The following USB1 variants were observed in gnomAD, a reference collection of about 807,000 sequenced individuals.
USB1 encodes the protein U6 snRNA phosphodiesterase 1.
Under a neutral mutation model 29.9 loss-of-function variants are expected in USB1, and 21 were observed. The ratio of observed to expected loss-of-function variants is 0.70; its 90% CI spans 0.50 to 1.01. USB1 has a LOEUF of 1.01. Among genes scored for constraint, USB1 ranks in the 50% least tolerant of loss-of-function variants. The pLI is 0.00. For missense variants in USB1, 330 were observed against 347.1 expected (o/e 0.95, Z 0.39); for synonymous variants, 143 against 134.9 (o/e 1.06, Z -0.42).
chr16:58,001,527 A>C lies in USB1; in HGVS notation c.44A>C (p.Glu15Ala). The part of the protein sequence containing the change: ...PLVGYSSSGS[E>A]DESEDGMRTR... ...GTGGGCTACAGCAGCAGCGGCTCCG[A>C]GGATGAGTCCGAGGACGGGATGCGG... The change falls in exon 1 of 7, where the codon GAG becomes GCG. Residue 15 changes from glutamate to alanine, a missense_variant. Glu to Ala is a moderately radical substitution (Grantham distance 107, BLOSUM62 -1). Coordinates refer to ENST00000219281, the MANE Select transcript of USB1 (RefSeq NM_024598.4). 6.2e-7 allele frequency: 1 copy of C among 1,609,062 alleles called. No individual in the cohort carries two copies. Among genetic ancestry groups the C allele is most frequent in the Non-Finnish European group, 8.5e-7 (1 of 1,178,206 alleles).
chr16:58,012,458 C>A, intron 3 of USB1: 1 of 1,168,670 alleles, frequency 8.6e-7, no homozygotes, highest in Non-Finnish European at 1.2e-6. Context: ...TATCAGATGG[C>A]ACCTGACTGT....
At chr16:58,019,532 C>T (rs889272861) in intron 6 of USB1, among the ~76,000 whole-genome samples, 2 of 152,204 alleles carry the variant, frequency 1.3e-5, no homozygotes, top group Admixed American at 1.3e-4. Flanking sequence ...AAAGATTCCA[C>T]TTTCCCATCT....
At chr16:58,010,209 A>T (rs532402259) in intron 3 of USB1, 97 bp downstream of exon 3, 19 of 1,463,406 alleles carry the variant, frequency 1.3e-5, no homozygotes, top group Middle Eastern at 3.7e-4. Flanking sequence ...AGGCAGGCAG[A>T]CCTAAAGATA....
rs1309233208 is a variant in USB1 at position 58,009,944 on chromosome 16, A to T, written c.281A>T (p.Glu94Val). Residue 94 changes from glutamate (E) to valine (V), a missense_variant, in exon 3 of 7, where the codon GAG becomes GTG. Coordinates refer to ENST00000219281, the MANE Select transcript of USB1 (RefSeq NM_024598.4). Reference protein sequence around the residue: ...HVYVPYEAKEEFLDLLDVLLP... With the variant: ...HVYVPYEAKEVFLDLLDVLLP... ...TCCCCTCCAGATGAAGCCAAGGAGGAGTTCCTGGATCTGCTTGATGTGTTG... is the reference window on the plus strand; with the variant it reads ...TCCCCTCCAGATGAAGCCAAGGAGGTGTTCCTGGATCTGCTTGATGTGTTG... 3 of 1,613,506 alleles carry T rather than the reference A, an allele frequency of 1.9e-6. No individual in the cohort carries two copies. Among genetic ancestry groups the T allele is most frequent in the Non-Finnish European group, 2.5e-6 (3 of 1,179,878 alleles).
chr16:58,014,758 G>A (rs1963576076), intron 4 of USB1, among the ~76,000 whole-genome samples: 1 of 152,144 alleles, frequency 6.6e-6, no homozygotes, highest in Non-Finnish European at 1.5e-5. Flanking sequence ...ACTCCAGCCT[G>A]GGCAACAGAG....
At chr16:58,009,745 A>T (rs1963446103) in intron 2 of USB1, among the ~76,000 whole-genome samples, 184 bp from the exon 3 acceptor site, 1 of 151,026 alleles carries the variant, frequency 6.6e-6, no homozygotes, top group Admixed American at 6.6e-5. Flanking sequence ...AAATAATAAT[A>T]AATAAATAAA....
chr16:58,006,911 GT>G (rs1355296876), intron 2 of USB1, among the ~76,000 whole-genome samples: 1 of 152,118 alleles, frequency 6.6e-6, no homozygotes, highest in Non-Finnish European at 1.5e-5. Context: ...TTTTCTGAGA[GT>G]TTTTATCTTG....
Position 58,020,352 on chromosome 16 carries a change from C to A in USB1, c.*107C>A. 9.4e-7 allele frequency: 1 copy of A among 1,059,502 alleles called. No homozygotes were observed. Among genetic ancestry groups the A allele is most frequent in the Non-Finnish European group, 1.4e-6 (1 of 696,832 alleles). The allele number at this position is 1,059,502 out of a possible 1,614,324, so 65.6% of individuals were successfully genotyped here. A position where few individuals can be genotyped will look rare whatever the true frequency, so the allele number is the denominator to read the frequency against. On this transcript the variant is annotated 3_prime_UTR_variant, in exon 7 of 7. Transcript: ENST00000219281. ...CTAGCCTCCCAGTAGGAGGCCCCAG[C>A]CATGCCTTCAACCTGGCAGGAGGTG...
chr16:58,011,259 C>A (rs964684048), intron 3 of USB1: 2 of 1,455,642 alleles, frequency 1.4e-6, no homozygotes, highest in African/African-American at 2.8e-5. Flanking sequence ...TCAAACAGGT[C>A]ATGGTAATGG....
Position 58,002,618 on chromosome 16 carries a change from A to C in USB1, c.238A>C (p.Asn80His). Residue 80 changes from asparagine (N) to histidine (H), a missense_variant, in exon 2 of 7, where the codon AAC becomes CAC. Physicochemically the swap from Asn to His is moderately conservative, Grantham distance 68. Transcript: ENST00000219281. The part of the protein sequence containing the change: ...RVRTFPHERG[N>H]WATHVYVPYE... ...GCGCACCTTCCCCCACGAGCGAGGC[A>C]ACTGGGCCACCCACGTCTATGTACC... The C allele has an allele frequency of 6.2e-7, 1 of 1,613,960 alleles. No individual in the cohort carries two copies. The highest frequency in any genetic ancestry group is 8.5e-7 in the Non-Finnish European group (1 of 1,180,014).
intron 3 of USB1, chr16:58,010,992 T>A (rs1236844630): frequency 1.4e-6 from 1 of 703,266 alleles, no homozygotes. Flanking sequence ...CAGCTTCTAA[T>A]CATGCCTTGC....
At chr16:58,012,456 G>A in intron 3 of USB1, 1 of 1,170,214 alleles carries the variant, frequency 8.5e-7, no homozygotes, top group Non-Finnish European at 1.2e-6. Flanking sequence ...GATATCAGAT[G>A]GCACCTGACT....
At chr16:58,018,396 G>C (rs1963666356) in intron 5 of USB1, among the ~76,000 whole-genome samples, 1 of 152,030 alleles carries the variant, frequency 6.6e-6, no homozygotes, top group Admixed American at 6.6e-5. Context: ...GCTAATTTTT[G>C]TATTTTTAGT....
chr16:58,000,315 G>A (rs1477086899), upstream of USB1: 3 of 151,606 alleles, frequency 2.0e-5, no homozygotes, highest in Non-Finnish European at 2.9e-5. The surrounding 1 kb of genome is among the most constrained non-coding windows in gnomAD (Gnocchi z 4.5). Context: ...GGAGGGGCGC[G>A]GGGGGGCGGC....
At chr16:58,009,375 T>G (rs1597048553) in intron 2 of USB1, among the ~76,000 whole-genome samples, 1 of 152,192 alleles carries the variant, frequency 6.6e-6, no homozygotes, top group South Asian at 2.1e-4. Context: ...ATAAAACACT[T>G]TCAGGTTAGG....
At chr16:58,002,335 C>A in intron 1 of USB1, 144 bp from the exon 2 acceptor site, 3 of 1,311,870 alleles carry the variant, frequency 2.3e-6, no homozygotes, top group Non-Finnish European at 3.2e-6. Flanking sequence ...AACAATTTCG[C>A]TATCTAGAAG....
chr16:58,002,759 G>A, intron 2 of USB1, 114 bp downstream of exon 2: 6 of 1,409,376 alleles, frequency 4.3e-6, no homozygotes, highest in Non-Finnish European at 5.9e-6. Context: ...TAACACTGGT[G>A]GTGGGAAAGT....
intron 2 of USB1, among the ~76,000 whole-genome samples, chr16:58,005,083 T>C (rs1963319895): frequency 6.6e-6 from 1 of 152,192 alleles, no homozygotes; most frequent in Non-Finnish European, 1.5e-5. Flanking sequence ...CACCATTATT[T>C]CTGCATATCA....
chr16:58,006,215 G>A (rs548715438), intron 2 of USB1, among the ~76,000 whole-genome samples: 45 of 151,838 alleles, frequency 3.0e-4, no homozygotes, highest in African/African-American at 1.0e-3. Flanking sequence ...AGCCAGCCGT[G>A]GTGGGACATG....
Sources: gnomAD v4.1 joint callset for allele counts (sites outside exome capture counted in the v4.1 genomes callset) on GRCh38, gnomAD v4.1.1 for gene constraint, Gnocchi (gnomAD v3.1) non-coding constraint, MANE v1.5 for transcripts, NCBI Gene and HGNC (gene_info 2026-07-23, HGNC 2026-07-21) for gene names.